ZBTB25: variants seen among roughly 807,000 people sequenced by gnomAD.
ZBTB25 encodes the protein zinc finger and BTB domain-containing protein 25.
A neutral mutation model predicts 34.2 loss-of-function variants in ZBTB25; 20 were observed. The ratio of observed to expected loss-of-function variants is 0.58; its 90% CI spans 0.41 to 0.85. The LOEUF is 0.85. Ranked by LOEUF, ZBTB25 falls within the 40% of genes least tolerant of loss-of-function variation. The pLI is 0.00. For missense variants in ZBTB25, 437 were observed against 521.8 expected (o/e 0.84, Z 1.58); for synonymous variants, 175 against 186.4 (o/e 0.94, Z 0.50).
chr14:64,458,417 A>G (rs1334553010), intron 2 of ZBTB25: 1 of 806,312 alleles, frequency 1.2e-6, no homozygotes, highest in Non-Finnish European at 2.2e-6. Flanking sequence ...CTTTCAAAAC[A>G]TTTCTTTTCA....
chr14:64,471,756 G>C (rs1485104030), intron 2 of ZBTB25: 2 of 167,000 alleles, frequency 1.2e-5, no homozygotes, highest in East Asian at 1.9e-4. Context: ...TTGTTCAAGA[G>C]CTCCACTTGG....
At chr14:64,494,318 C>G (rs2079192755) in intron 1 of ZBTB25, among the ~76,000 whole-genome samples, 1 of 152,176 alleles carries the variant, frequency 6.6e-6, no homozygotes, top group Non-Finnish European at 1.5e-5. Context: ...GGCCAAATAT[C>G]TGACTGCAGG....
At chr14:64,450,747 GC>G (rs1388388262) in intron 2 of ZBTB25, among the ~76,000 whole-genome samples, 4 of 152,072 alleles carry the variant, frequency 2.6e-5, no homozygotes, top group African/African-American at 9.7e-5. Context: ...TTGCTCTGTT[GC>G]TCAGGCTGGA....
rs2078852002 is a variant in ZBTB25, at chr14:64,485,802, C to A, written c.*1121G>T. The A allele has an allele frequency of 2.0e-6, 2 of 985,236 alleles. No individual in the cohort carries two copies. The highest frequency in any genetic ancestry group is 3.5e-5 in the African/African-American group (2 of 57,210). 61.0% of individuals were successfully genotyped at this position (985,236 alleles called of 1,614,324 possible). On this transcript the variant is annotated 3_prime_UTR_variant, in exon 3 of 3. Coordinates refer to ENST00000608382, the MANE Select transcript of ZBTB25 (RefSeq NM_006977.5). ...ATATTTTATCATCATTCTCTTTCAA[C>A]TCATGTAAACCTCTGGTCATAAAAT...
In ZBTB25 at chr14:64,483,042, C is replaced by G. The variant is rs1367541604; in HGVS notation, c.*3881G>C. 1 of 152,178 alleles carries G rather than the reference C, an allele frequency of 6.6e-6. No homozygotes were observed. The highest frequency in any genetic ancestry group is 1.5e-5 in the Non-Finnish European group (1 of 68,036). The allele number at this position is 152,178 out of a possible 1,614,324, so 9.4% of individuals were successfully genotyped here. A position where few individuals can be genotyped will look rare whatever the true frequency, so the allele number is the denominator to read the frequency against. On this transcript the variant is annotated 3_prime_UTR_variant, in exon 3 of 3. Coordinates refer to ENST00000608382, the MANE Select transcript of ZBTB25 (RefSeq NM_006977.5). ...ACGCTAATAAGAACAAATACTAAAA[C>G]AGTCTCTATTTTTCTCCAGAAAACA...
At chr14:64,492,197 ATAT>A (rs60636820) in intron 1 of ZBTB25, among the ~76,000 whole-genome samples, 16 of 135,488 alleles carry the variant, frequency 1.2e-4, no homozygotes, top group East Asian at 2.1e-4. Flanking sequence ...TCCCCAAGTT[ATAT>A]TATTATTATT....
At chr14:64,461,991 G>A (rs959397506) in intron 2 of ZBTB25, 16 of 152,202 alleles carry the variant, frequency 1.1e-4, no homozygotes, top group African/African-American at 3.9e-4. Context: ...ATGCAGTCTT[G>A]TCAGATATGG....
At chr14:64,501,017 C>G (rs777068852) in intron 1 of ZBTB25, among the ~76,000 whole-genome samples, 1 of 152,164 alleles carries the variant, frequency 6.6e-6, no homozygotes, top group Non-Finnish European at 1.5e-5. Flanking sequence ...CACCACTGCA[C>G]TCCAGCCTGG....
At chr14:64,468,340 G>A (rs1245858891) in intron 2 of ZBTB25, 2 of 1,479,448 alleles carry the variant, frequency 1.4e-6, no homozygotes, top group Non-Finnish European at 9.0e-7. Context: ...TGTCACAAAA[G>A]GCTGCTAAGG....
At chr14:64,493,496 GTAAAGACTGCTC>G (rs1264370691) in intron 1 of ZBTB25, among the ~76,000 whole-genome samples, 7 of 152,160 alleles carry the variant, frequency 4.6e-5, no homozygotes, top group Non-Finnish European at 7.3e-5. Context: ...TTAGGCGTGA[GTAAAGACTGCTC>G]TAACAGCAAC....
chr14:64,449,107 T>C, exon 3 of ZBTB25: 1 of 368,030 alleles, frequency 2.7e-6, no homozygotes, highest in Non-Finnish European at 5.2e-6. Context: ...CCAGCAAAAT[T>C]CTTAAATGCT....
At chr14:64,491,640 T>C (rs1041982814) in intron 1 of ZBTB25, among the ~76,000 whole-genome samples, 4 of 152,120 alleles carry the variant, frequency 2.6e-5, no homozygotes, top group African/African-American at 9.7e-5. Context: ...GCAAAAACAT[T>C]CAGAAGTGCC....
rs1391063133 is a variant in ZBTB25, at chr14:64,487,335, G to T, written c.896C>A (p.Ser299Tyr). 6 of 1,614,028 alleles carry T rather than the reference G, an allele frequency of 3.7e-6. No homozygotes were observed. The highest frequency in any genetic ancestry group is 8.5e-7 in the Non-Finnish European group (1 of 1,179,976). Residue 299 changes from serine to tyrosine, a missense_variant, in exon 3 of 3, where the codon TCC (serine) becomes TAC (tyrosine). By Grantham distance (144) the Ser-to-Tyr change is moderately radical. Transcript: ENST00000608382. ...SEALECRRLS[S>Y]FIVKENEQQP... ...CTGTTCATTCTCCTTAACAATGAAG[G>T]AGCTGAGCCTGCGGCATTCAAGGGC...
At chr14:64,465,405 CGCCCCT>C (rs2078600744) in intron 2 of ZBTB25, 1 of 151,692 alleles carries the variant, frequency 6.6e-6, no homozygotes, top group Non-Finnish European at 1.5e-5. Flanking sequence ...GCGGTCGCCC[CGCCCCT>C]GCCCGCCCGC....
chr14:64,481,483 T>G lies in ZBTB25; in HGVS notation c.*5440A>C, dbSNP rs1293463548. On this transcript the variant is annotated 3_prime_UTR_variant, in exon 3 of 3. Transcript: ENST00000608382. ...TGTACTTTGAAGATTTTTCAGTGGG[T>G]CTTTTTTATTGAACAAGTTTTTATA... is the stretch of plus-strand genomic sequence containing the variant. 2.0e-5 allele frequency: 3 copies of G among 152,258 alleles called. No individual in the cohort carries two copies. The highest frequency in any genetic ancestry group is 4.4e-5 in the Non-Finnish European group (3 of 68,046). The allele number at this position is 152,258 out of a possible 1,614,324, so 9.4% of individuals were successfully genotyped here. A position where few individuals can be genotyped will look rare whatever the true frequency, so the allele number is the denominator to read the frequency against.
chr14:64,449,788 C>T (rs2078340872), intron 2 of ZBTB25: 1 of 812,626 alleles, frequency 1.2e-6, no homozygotes, highest in South Asian at 1.5e-5. Context: ...CAGCTGTAGA[C>T]AGCCTTCTTT....
At chr14:64,469,490 G>T in intron 2 of ZBTB25, 1 of 1,613,146 alleles carries the variant, frequency 6.2e-7, no homozygotes, top group South Asian at 1.1e-5. Context: ...CTTAATTTCA[G>T]CTGAAAATGA....
Position 64,478,368 on chromosome 14 carries a change from G to GA in ZBTB25, c.*8554dup, listed in dbSNP as rs2078739693. On this transcript the variant is annotated 3_prime_UTR_variant, in exon 3 of 3. Transcript: ENST00000608382. ...GAATGGGTTGGAAAGTATGAGAGAAGAAAGTCAGTTGTTGAACCACAGTTG... is the reference window on the plus strand; with the variant it reads ...GAATGGGTTGGAAAGTATGAGAGAAGAAAAGTCAGTTGTTGAACCACAGTTG... 1 of 152,242 alleles carries GA rather than the reference G, an allele frequency of 6.6e-6. No individual in the cohort carries two copies. The highest frequency in any genetic ancestry group is 2.4e-5 in the African/African-American group (1 of 41,456). The allele number at this position is 152,242 out of a possible 1,614,324, so 9.4% of individuals were successfully genotyped here. A position where few individuals can be genotyped will look rare whatever the true frequency, so the allele number is the denominator to read the frequency against.
rs1001469281 is a variant in ZBTB25 at position 64,487,325 on chromosome 14, A to G, written c.906T>C (p.Val302=). The change falls in exon 3 of 3, where the codon GTT becomes GTC. Residue 302 remains valine, a synonymous_variant. Coordinates refer to ENST00000608382, the MANE Select transcript of ZBTB25 (RefSeq NM_006977.5). Reference sequence around the variant, plus strand: ...GGTCTGGCTGCTGTTCATTCTCCTTAACAATGAAGGAGCTGAGCCTGCGGC... The same window carrying G: ...GGTCTGGCTGCTGTTCATTCTCCTTGACAATGAAGGAGCTGAGCCTGCGGC... ...LECRRLSSFI[V]KENEQQPDHT... 2 of 1,613,882 alleles carry G rather than the reference A, an allele frequency of 1.2e-6. No homozygotes were observed. The highest frequency in any genetic ancestry group is 1.7e-6 in the Non-Finnish European group (2 of 1,180,010).
Sources: gnomAD v4.1 joint callset for allele counts (sites outside exome capture counted in the v4.1 genomes callset) on GRCh38, gnomAD v4.1.1 for gene constraint, MANE v1.5 for transcripts, NCBI Gene and HGNC (gene_info 2026-07-23, HGNC 2026-07-21) for gene names.